The following ADAMTS17 variants were observed in gnomAD, a reference collection of about 807,000 sequenced individuals.
The protein encoded by ADAMTS17 is ADAM metallopeptidase with thrombospondin type 1 motif 17.
Under a neutral mutation model 141.5 loss-of-function variants are expected in ADAMTS17, and 113 were observed. The observed-to-expected ratio is 0.80, with a 90% CI of 0.69 to 0.93. The LOEUF is 0.93. ADAMTS17 is among the 40% of genes least tolerant of loss of function. ADAMTS17 has a pLI of 0.00. For missense variants in ADAMTS17, 1,659 were observed against 1,517.9 expected (o/e 1.09, Z -1.54); for synonymous variants, 768 against 630.6 (o/e 1.22, Z -3.27).
chr15:100,308,694 G>A (rs2045306679), intron 3 of ADAMTS17, among the ~76,000 whole-genome samples: 1 of 152,136 alleles, frequency 6.6e-6, no homozygotes, highest in Non-Finnish European at 1.5e-5. Context: ...CCCGGGCTTA[G>A]CCATCCAAGT....
At chr15:100,219,143 G>C (rs1282207096) in intron 7 of ADAMTS17, among the ~76,000 whole-genome samples, 1 of 152,188 alleles carries the variant, frequency 6.6e-6, no homozygotes, top group East Asian at 1.9e-4. Flanking sequence ...GTCCAGAACA[G>C]GCAAATCCAT....
intron 7 of ADAMTS17, among the ~76,000 whole-genome samples, chr15:100,209,131 A>AAAAAACGG (rs1555483240): frequency 7.5e-6 from 1 of 133,104 alleles, no homozygotes. Flanking sequence ...AAAAAAAAAA[A>AAAAAACGG]AAGGAAGAAA....
chr15:100,192,142 C>T (rs1259075613), intron 8 of ADAMTS17, among the ~76,000 whole-genome samples: 1 of 152,218 alleles, frequency 6.6e-6, no homozygotes, highest in South Asian at 2.1e-4. Context: ...CGCTCACACA[C>T]GGACTTTGAT....
chr15:100,050,604 G>C (rs1210321961), intron 17 of ADAMTS17, among the ~76,000 whole-genome samples: 3 of 152,194 alleles, frequency 2.0e-5, no homozygotes, highest in Non-Finnish European at 2.9e-5. Context: ...TGAAAAATGG[G>C]ATGAATCCCT....
In ADAMTS17 at chr15:100,093,083, C is replaced by T. The variant is rs147107197; in HGVS notation, c.2137+3273G>A. 1.5e-3 allele frequency among the ~76,000 whole-genome samples: 233 copies of T among 152,314 alleles called. 1 individual carries two copies. The highest frequency in any genetic ancestry group is 5.5e-3 in the African/African-American group (228 of 41,566). Reference sequence around the variant, plus strand: ...TATGATAGCCAAGTTGAGTTGATTCCTTCCATAGATAAGTAGCTGAGGACC... The same window carrying T: ...TATGATAGCCAAGTTGAGTTGATTCTTTCCATAGATAAGTAGCTGAGGACC... On this transcript the variant is annotated intron_variant, in intron 15 of 21. Coordinates refer to ENST00000268070, the MANE Select transcript of ADAMTS17 (RefSeq NM_139057.4).
At chr15:100,065,269 T>C (rs376754866) in intron 15 of ADAMTS17, among the ~76,000 whole-genome samples, 2 of 152,196 alleles carry the variant, frequency 1.3e-5, no homozygotes, top group African/African-American at 4.8e-5. Context: ...AAGAATATTA[T>C]ATGTACTTTT....
chr15:100,275,224 G>A (rs1000472702), intron 4 of ADAMTS17, among the ~76,000 whole-genome samples: 1 of 152,200 alleles, frequency 6.6e-6, no homozygotes, highest in African/African-American at 2.4e-5. Context: ...GCTGCCTAGT[G>A]AAAGTCAGTG....
chr15:100,009,490 G>A (rs980552875), intron 18 of ADAMTS17, among the ~76,000 whole-genome samples: 18 of 152,168 alleles, frequency 1.2e-4, no homozygotes, highest in African/African-American at 3.9e-4. Flanking sequence ...CTCCCCAGCT[G>A]TGCCACCTTG....
chr15:99,988,282 G>C (rs188418981), intron 20 of ADAMTS17, among the ~76,000 whole-genome samples: 3 of 152,132 alleles, frequency 2.0e-5, no homozygotes, highest in Non-Finnish European at 4.4e-5. Flanking sequence ...ACGGTCATGA[G>C]TGGGTTCTTG....
At chr15:100,150,905 A>T (rs891869970) in intron 10 of ADAMTS17, among the ~76,000 whole-genome samples, 1 of 152,104 alleles carries the variant, frequency 6.6e-6, no homozygotes, top group Non-Finnish European at 1.5e-5. Context: ...GGACTCCCTG[A>T]AACCTGCTCT....
intron 18 of ADAMTS17, among the ~76,000 whole-genome samples, chr15:100,015,565 T>C (rs930507950): frequency 6.6e-6 from 1 of 152,230 alleles, no homozygotes; most frequent in Non-Finnish European, 1.5e-5. Context: ...GGCTTGGTAG[T>C]GGCGAATTCT....
At chr15:100,103,449 A>G (rs1426091476) in intron 14 of ADAMTS17, among the ~76,000 whole-genome samples, 1 of 152,214 alleles carries the variant, frequency 6.6e-6, no homozygotes, top group Non-Finnish European at 1.5e-5. Context: ...TGCCTCACAG[A>G]TGATCTTTGG....
rs533905241 is a variant in ADAMTS17 at position 100,008,120 on chromosome 15, G to A, written c.2592-10531C>T. Reference sequence around the variant, plus strand: ...CAGGGATGGATGGGTGAAGGAGAGGGTGGTCCCAATGCCTCTTAAGAAACG... The same window carrying A: ...CAGGGATGGATGGGTGAAGGAGAGGATGGTCCCAATGCCTCTTAAGAAACG... On this transcript the variant is annotated intron_variant, in intron 18 of 21. Transcript: ENST00000268070. Among the ~76,000 whole-genome samples the A allele has an allele frequency of 3.0e-3, 455 of 152,192 alleles. 3 individuals carry two copies. The highest frequency in any genetic ancestry group is 0.011 in the African/African-American group (441 of 41,508).
intron 8 of ADAMTS17, among the ~76,000 whole-genome samples, chr15:100,178,434 A>G (rs1386361434): frequency 6.6e-6 from 1 of 152,172 alleles, no homozygotes. Context: ...TTAGATCCTC[A>G]TACCCTCCCC....
At chr15:100,077,377 G>A (rs1038707516) in intron 15 of ADAMTS17, among the ~76,000 whole-genome samples, 2 of 147,466 alleles carry the variant, frequency 1.4e-5, no homozygotes, top group African/African-American at 5.0e-5. Flanking sequence ...CACGAGAATC[G>A]CTTGAACCCG....
At chr15:100,340,965 C>A in intron 2 of ADAMTS17, 74 bp downstream of exon 2, 1 of 1,505,246 alleles carries the variant, frequency 6.6e-7, no homozygotes, top group South Asian at 1.2e-5. Context: ...GGCGCCCCAC[C>A]CCCACCCTCC....
intron 10 of ADAMTS17, among the ~76,000 whole-genome samples, chr15:100,146,544 T>C (rs2141318675): frequency 6.6e-6 from 1 of 152,308 alleles, no homozygotes; most frequent in East Asian, 1.9e-4. Context: ...CTGCACAAAT[T>C]GTACAGCATG....
At chr15:100,100,456 T>C (rs1306879918) in intron 14 of ADAMTS17, among the ~76,000 whole-genome samples, 1 of 152,170 alleles carries the variant, frequency 6.6e-6, no homozygotes, top group African/African-American at 2.4e-5. Flanking sequence ...ATCTCTCCAC[T>C]TTCAATGCGA....
At chr15:100,002,924 C>T (rs1167000251) in intron 18 of ADAMTS17, among the ~76,000 whole-genome samples, 1 of 152,082 alleles carries the variant, frequency 6.6e-6, no homozygotes, top group Non-Finnish European at 1.5e-5. Flanking sequence ...TACACAGCCC[C>T]CAGCACATGA....
Sources: gnomAD v4.1 joint callset for allele counts (sites outside exome capture counted in the v4.1 genomes callset) on GRCh38, gnomAD v4.1.1 for gene constraint, MANE v1.5 for transcripts, NCBI Gene and HGNC (gene_info 2026-07-23, HGNC 2026-07-21) for gene names.